STYK1: variants seen among roughly 807,000 people sequenced by gnomAD.
STYK1 encodes STY kinase 1.
STYK1 carries 46 observed loss-of-function variants against 48.1 expected under a neutral mutation model. That is an observed-to-expected ratio of 0.96 (90% CI 0.75 to 1.22). STYK1 has a LOEUF of 1.22. Ranked by LOEUF, STYK1 falls within the 50% of genes most tolerant of loss-of-function variation. The pLI is 0.00. For missense variants in STYK1, 527 were observed against 521.1 expected (o/e 1.01, Z -0.11); for synonymous variants, 188 against 189.0 (o/e 0.99, Z 0.04).
rs773605988 is a variant in STYK1 at position 10,620,205 on chromosome 12, AGTTC to A, written c.1204_1207del (p.Glu402CysfsTer31). 1.2e-6 allele frequency: 2 copies of A among 1,614,218 alleles called. No homozygotes were observed. Among genetic ancestry groups the A allele is most frequent in the Non-Finnish European group, 1.7e-6 (2 of 1,180,036 alleles). ...TCTGATGCCGGCCACAGCTGCATAC[AGTTC>A]AGGTACCACCAACTCTGGTACTTGT... On this transcript the variant is annotated frameshift_variant, in exon 11 of 11. Transcript: ENST00000075503. LOFTEE classifies it high-confidence loss of function.
chr12:10,649,981 G>T (rs564000502), intron 1 of STYK1, among the ~76,000 whole-genome samples: 2 of 151,880 alleles, frequency 1.3e-5, no homozygotes, highest in African/African-American at 2.4e-5. Context: ...AGGCGTGGTG[G>T]CGGGCCCCTG....
At chr12:10,644,608 A>T (rs74060471) in intron 1 of STYK1, among the ~76,000 whole-genome samples, 7,692 of 152,318 alleles carry the variant, frequency 0.05, 651 homozygotes, top group African/African-American at 0.17. Context: ...TTGTGAAACT[A>T]ATAATTTCAT....
intron 7 of STYK1, among the ~76,000 whole-genome samples, chr12:10,626,871 G>A (rs926686271): frequency 6.6e-6 from 1 of 152,136 alleles, no homozygotes; most frequent in African/African-American, 2.4e-5. Context: ...GCCGGGCGTG[G>A]TGGTGGGCGC....
At chr12:10,643,242 A>G (rs903227428) in intron 1 of STYK1, among the ~76,000 whole-genome samples, 3 of 152,034 alleles carry the variant, frequency 2.0e-5, no homozygotes, top group East Asian at 3.9e-4. Flanking sequence ...TTTACTTTAT[A>G]CTCTGATTAC....
intron 2 of STYK1, among the ~76,000 whole-genome samples, chr12:10,636,574 C>T (rs945756465): frequency 2.0e-5 from 3 of 152,148 alleles, no homozygotes; most frequent in Non-Finnish European, 2.9e-5. Flanking sequence ...AAAAACAGAC[C>T]TTAAGAGAGT....
At chr12:10,628,302 T>G (rs949041848) in intron 6 of STYK1, among the ~76,000 whole-genome samples, 1 of 151,844 alleles carries the variant, frequency 6.6e-6, no homozygotes, top group Non-Finnish European at 1.5e-5. Flanking sequence ...CAGAAGAGAG[T>G]TGATTGAGTT....
chr12:10,624,663 A>T lies in STYK1; in HGVS notation c.914T>A (p.Ile305Asn), dbSNP rs1170474621. 1 of 1,613,942 alleles carries T rather than the reference A, an allele frequency of 6.2e-7. No homozygotes were observed. The highest frequency in any genetic ancestry group is 8.5e-7 in the Non-Finnish European group (1 of 1,179,998). The change falls in exon 8 of 11, where the codon ATC becomes AAC. Residue 305 changes from isoleucine to asparagine, a missense_variant. Transcript: ENST00000075503. ...GAATAAACCGTACACATCTGCTCTG[A>T]TGCTAGCAGGTCTCAGGAGAAGCCG... Reference protein sequence around the residue: ...PERLLLRPASIRADVWSFGIL... With the variant: ...PERLLLRPASNRADVWSFGIL...
At chr12:10,652,235 C>T (rs935465034) in intron 1 of STYK1, among the ~76,000 whole-genome samples, 6 of 152,160 alleles carry the variant, frequency 3.9e-5, no homozygotes, top group African/African-American at 1.4e-4. Context: ...CATTGGCAGC[C>T]ACTATTCTAG....
chr12:10,661,149 A>T (rs1947773031), intron 1 of STYK1, among the ~76,000 whole-genome samples: 1 of 152,204 alleles, frequency 6.6e-6, no homozygotes, highest in African/African-American at 2.4e-5. Context: ...TAATCTTCAA[A>T]TCAGAACAGG....
intron 1 of STYK1, among the ~76,000 whole-genome samples, chr12:10,664,489 G>A (rs1441194637): frequency 1.3e-5 from 2 of 152,130 alleles, no homozygotes; most frequent in Non-Finnish European, 2.9e-5. Flanking sequence ...GCACAGAACA[G>A]AGAGTTCTAT....
At chr12:10,667,539 A>G (rs1030189502) in intron 1 of STYK1, 1 of 152,066 alleles carries the variant, frequency 6.6e-6, no homozygotes, top group African/African-American at 2.4e-5. Flanking sequence ...TTGAGATGGG[A>G]GGATCACTTG....
chr12:10,647,784 G>A (rs1246728655), intron 1 of STYK1, among the ~76,000 whole-genome samples: 2 of 152,154 alleles, frequency 1.3e-5, no homozygotes, highest in Admixed American at 6.5e-5. Flanking sequence ...GTGCTTGTGA[G>A]AGTGAATAAG....
chr12:10,664,081 T>C (rs1199229543), intron 1 of STYK1, among the ~76,000 whole-genome samples: 1 of 152,186 alleles, frequency 6.6e-6, no homozygotes, highest in African/African-American at 2.4e-5. Flanking sequence ...TCCCAGAGAC[T>C]AGCCAGAAAT....
rs766525647 is a variant in STYK1, at chr12:10,634,608, G to A, written c.11C>T (p.Thr4Ile). The A allele has an allele frequency of 1.9e-6, 3 of 1,614,064 alleles. No homozygotes were observed. The South Asian group carries it at 3.3e-5, about 18-fold the overall frequency. The change falls in exon 3 of 11, where the codon ACA (threonine) becomes ATA (isoleucine). Residue 4 changes from threonine (T) to isoleucine (I), a missense_variant. Thr to Ile is a moderately conservative substitution (Grantham distance 89). Transcript: ENST00000075503. MGM[T>I]RMLLECSLSD... ...GAGACTGCATTCCAGGAGCATCCGTGTCATGCCCATTGCCACAGGGCTGTC... is the reference window on the plus strand; with the variant it reads ...GAGACTGCATTCCAGGAGCATCCGTATCATGCCCATTGCCACAGGGCTGTC...
intron 3 of STYK1, 152 bp downstream of exon 3, chr12:10,634,415 C>CA: frequency 1.1e-6 from 1 of 899,448 alleles, no homozygotes; most frequent in South Asian, 1.6e-5. Context: ...ACCCTCTCCC[C>CA]AAAAAGACAA....
At chr12:10,646,260 A>T (rs929893069) in intron 1 of STYK1, among the ~76,000 whole-genome samples, 2 of 152,180 alleles carry the variant, frequency 1.3e-5, no homozygotes, top group South Asian at 4.1e-4. Flanking sequence ...TTGTTGAATG[A>T]CTTTGACCAA....
chr12:10,670,602 A>G (rs1947881113), intron 1 of STYK1, among the ~76,000 whole-genome samples: 1 of 151,610 alleles, frequency 6.6e-6, no homozygotes, highest in Non-Finnish European at 1.5e-5. Context: ...ACGTCAAAGG[A>G]TATGAAAGGG....
At chr12:10,671,088 T>C (rs567418631) in intron 1 of STYK1, among the ~76,000 whole-genome samples, 4 of 148,258 alleles carry the variant, frequency 2.7e-5, no homozygotes, top group African/African-American at 1.0e-4. Flanking sequence ...CTCCGCCTCC[T>C]GGATTCACGC....
At chr12:10,650,383 A>T (rs879616087) in intron 1 of STYK1, among the ~76,000 whole-genome samples, 1 of 152,228 alleles carries the variant, frequency 6.6e-6, no homozygotes. Context: ...CTTACATCAG[A>T]GGATTCTAGT....
Sources: gnomAD v4.1 joint callset for allele counts (sites outside exome capture counted in the v4.1 genomes callset) on GRCh38, gnomAD v4.1.1 for gene constraint, MANE v1.5 for transcripts, NCBI Gene and HGNC (gene_info 2026-07-23, HGNC 2026-07-21) for gene names.